The following WWOX variants were observed in gnomAD, a reference collection of about 807,000 sequenced individuals.
WWOX encodes WW domain-containing oxidoreductase.
A neutral mutation model predicts 46.2 loss-of-function variants in WWOX; 69 were observed. That is an observed-to-expected ratio of 1.49 (90% CI 1.23 to 1.82). The LOEUF is 1.82. Ranked by LOEUF, WWOX falls within the 40% of genes most tolerant of loss-of-function variation. The pLI is 0.00. For missense variants in WWOX, 919 were observed against 542.6 expected, an observed-to-expected ratio of 1.69 and a Z score of -6.89; for synonymous variants, 359 against 202.6, an observed-to-expected ratio of 1.77 and a Z score of -6.56.
intron 5 of WWOX, among the ~76,000 whole-genome samples, chr16:78,363,146 T>TTGTGTG (rs60731117): frequency 6.6e-5 from 10 of 150,766 alleles, no homozygotes; most frequent in Admixed American, 5.3e-4. Context: ...GTGTATGTGT[T>TTGTGTG]TGTGTGTGTG....
intron 5 of WWOX, among the ~76,000 whole-genome samples, chr16:78,251,479 C>T (rs184348489): frequency 5.9e-5 from 9 of 152,236 alleles, no homozygotes; most frequent in Admixed American, 2.0e-4. Flanking sequence ...AGGTGCCAGG[C>T]GTCTCTCAGC....
At chr16:79,210,903 G>C (rs2051712016) in intron 8 of WWOX, among the ~76,000 whole-genome samples, 1 of 152,142 alleles carries the variant, frequency 6.6e-6, no homozygotes, top group South Asian at 2.1e-4. Flanking sequence ...TGGGCTGGGA[G>C]GAAATGTACC....
At chr16:78,801,793 A>AT (rs937208803) in intron 8 of WWOX, among the ~76,000 whole-genome samples, 13 of 152,028 alleles carry the variant, frequency 8.6e-5, no homozygotes, top group African/African-American at 2.9e-4. Flanking sequence ...GGGACATTTC[A>AT]TTTTTTTTAG....
intron 8 of WWOX, among the ~76,000 whole-genome samples, chr16:79,090,629 C>T (rs1390524836): frequency 6.6e-6 from 1 of 152,034 alleles, no homozygotes; most frequent in Non-Finnish European, 1.5e-5. Context: ...TGATGAGTGG[C>T]CTGTGGACAG....
chr16:78,985,013 G>C (rs1382752831), intron 8 of WWOX, among the ~76,000 whole-genome samples: 1 of 152,086 alleles, frequency 6.6e-6, no homozygotes, highest in Non-Finnish European at 1.5e-5. Flanking sequence ...TCCTTGCCCA[G>C]CTCCAAGTGT....
chr16:78,451,275 C>A (rs1461229621), intron 8 of WWOX, among the ~76,000 whole-genome samples: 1 of 151,506 alleles, frequency 6.6e-6, no homozygotes, highest in East Asian at 2.0e-4. Context: ...GTATTTGATA[C>A]AATAGGAGAT....
chr16:79,040,925 A>C (rs1281458874), intron 8 of WWOX, among the ~76,000 whole-genome samples: 1 of 152,128 alleles, frequency 6.6e-6, no homozygotes, highest in African/African-American at 2.4e-5. Context: ...TGCAGGACGC[A>C]TCCATGGATG....
chr16:78,478,899 T>G (rs1336192610), intron 8 of WWOX, among the ~76,000 whole-genome samples: 14 of 152,234 alleles, frequency 9.2e-5, no homozygotes, highest in African/African-American at 2.4e-5. Context: ...TTTCATTAAC[T>G]CATTTCCAGT....
intron 8 of WWOX, chr16:78,896,087 G>T (rs575733675): frequency 2.0e-5 from 3 of 152,062 alleles, no homozygotes; most frequent in African/African-American, 7.2e-5. Flanking sequence ...CTGAAAACAT[G>T]CAGGCAATTG....
At position 79,099,433 on chromosome 16, in the gene WWOX, C is replaced by T. The variant is rs544479395; in HGVS notation, c.1057-112175C>T. Among the ~76,000 whole-genome samples the T allele has an allele frequency of 1.8e-4, 27 of 152,292 alleles. No homozygotes were observed. In the South Asian group the frequency reaches 1.9e-3, roughly 11 times the overall value. On this transcript the variant is annotated intron_variant, in intron 8 of 8. Coordinates refer to ENST00000566780, the MANE Select transcript of WWOX (RefSeq NM_016373.4). Reference sequence around the variant, plus strand: ...GAGTGGTGGAGACTGTGGTAAACTGCAGCGCGCACACTCTGTTAACAGAGG... The same window carrying T: ...GAGTGGTGGAGACTGTGGTAAACTGTAGCGCGCACACTCTGTTAACAGAGG...
intron 1 of WWOX, 32 bp downstream of exon 1, chr16:78,099,917 C>G (rs374586323): frequency 6.5e-7 from 1 of 1,548,906 alleles, no homozygotes; most frequent in Non-Finnish European, 8.7e-7. Context: ...CGCGGACGCA[C>G]CTGGGACCCT....
intron 5 of WWOX, among the ~76,000 whole-genome samples, chr16:78,333,754 C>G (rs1380634434): frequency 1.3e-5 from 2 of 152,208 alleles, no homozygotes; most frequent in Non-Finnish European, 2.9e-5. Flanking sequence ...TTCCTCTGTT[C>G]AGCAAACGTG....
chr16:78,147,855 TTTC>T (rs1254407565), intron 4 of WWOX, among the ~76,000 whole-genome samples: 1 of 151,826 alleles, frequency 6.6e-6, no homozygotes, highest in Admixed American at 6.6e-5. Flanking sequence ...CTCCTAAGCA[TTTC>T]TTAATTGACA....
At chr16:78,669,392 A>G (rs1047158632) in intron 8 of WWOX, among the ~76,000 whole-genome samples, 9 of 152,216 alleles carry the variant, frequency 5.9e-5, no homozygotes, top group African/African-American at 2.2e-4. Flanking sequence ...CAGGGGCAGC[A>G]TTGCTCCCCA....
At chr16:78,412,283 G>C (rs964806406) in intron 6 of WWOX, among the ~76,000 whole-genome samples, 2 of 152,158 alleles carry the variant, frequency 1.3e-5, no homozygotes, top group Admixed American at 1.3e-4. Flanking sequence ...GTATCAGGAC[G>C]GGGAGGAGAT....
At chr16:78,480,654 C>G (rs2084463452) in intron 8 of WWOX, among the ~76,000 whole-genome samples, 1 of 152,210 alleles carries the variant, frequency 6.6e-6, no homozygotes, top group Non-Finnish European at 1.5e-5. Flanking sequence ...AGATAGTACA[C>G]AGATGCACTG....
intron 8 of WWOX, among the ~76,000 whole-genome samples, chr16:78,937,448 CTTTTT>C (rs537642648): frequency 0.026 from 2,094 of 81,942 alleles, 92 homozygotes; most frequent in African/African-American, 0.1. Flanking sequence ...TTTGTATTAA[CTTTTT>C]TTTTTTTTTT....
At chr16:78,633,690 A>G (rs1453059304) in intron 8 of WWOX, among the ~76,000 whole-genome samples, 1 of 152,076 alleles carries the variant, frequency 6.6e-6, no homozygotes, top group Non-Finnish European at 1.5e-5. Context: ...GCGTGCTTTT[A>G]TGCTTCGCTG....
At chr16:78,549,499 A>G (rs548838795) in intron 8 of WWOX, among the ~76,000 whole-genome samples, 1 of 152,312 alleles carries the variant, frequency 6.6e-6, no homozygotes, top group East Asian at 1.9e-4. Flanking sequence ...TGGATCGACC[A>G]TTAATCATGC....
Sources: gnomAD v4.1 joint callset for allele counts (sites outside exome capture counted in the v4.1 genomes callset) on GRCh38, gnomAD v4.1.1 for gene constraint, MANE v1.5 for transcripts, NCBI Gene and HGNC (gene_info 2026-07-23, HGNC 2026-07-21) for gene names.